The following BCAR3 variants were observed in gnomAD, a reference collection of about 807,000 sequenced individuals.
BCAR3 encodes breast cancer anti-estrogen resistance protein 3.
A neutral mutation model predicts 80.1 loss-of-function variants in BCAR3; 37 were observed. The observed-to-expected ratio is 0.46, with a 90% CI of 0.36 to 0.61. The LOEUF (loss-of-function observed/expected upper bound fraction) is 0.61. Ranked by LOEUF, BCAR3 falls within the 20% of genes least tolerant of loss-of-function variation. BCAR3 has a pLI of 0.00. For missense variants in BCAR3, 978 were observed against 1,068.2 expected (o/e 0.92, Z 1.18); for synonymous variants, 389 against 418.9 (o/e 0.93, Z 0.87).
intron 2 of BCAR3, among the ~76,000 whole-genome samples, chr1:93,647,105 T>C (rs569158646): frequency 1.1e-4 from 16 of 152,276 alleles, no homozygotes; most frequent in African/African-American, 2.9e-4. Flanking sequence ...TCAAACCTCA[T>C]AGAGTTATGT....
chr1:93,712,780 T>A (rs1376880750), intron 2 of BCAR3, among the ~76,000 whole-genome samples: 1 of 152,210 alleles, frequency 6.6e-6, no homozygotes, highest in Non-Finnish European at 1.5e-5. Context: ...AGAGTTCACA[T>A]AACCTCTTCA....
At chr1:93,706,903 G>A (rs1031114821) in intron 2 of BCAR3, among the ~76,000 whole-genome samples, 3 of 152,206 alleles carry the variant, frequency 2.0e-5, no homozygotes, top group African/African-American at 4.8e-5. Flanking sequence ...TAGGCCGGGC[G>A]CAGGGGCTTA....
At position 93,589,368 on chromosome 1, in the gene BCAR3, G is replaced by C. The variant is rs1674081122; in HGVS notation, c.538C>G (p.Leu180Val). ...AGGACAAAGTTCCCAGGGCTGGACA[G>C]AGAGTCACGAACTAGGAAGTCACCA... is the stretch of plus-strand genomic sequence containing the variant. Reference protein sequence around the residue: ...RDGDFLVRDSLSSPGNFVLTC... With the variant: ...RDGDFLVRDSVSSPGNFVLTC... Residue 180 changes from leucine (L) to valine (V), a missense_variant, in exon 5 of 12, where the codon CTG (leucine) becomes GTG (valine). By Grantham distance (32) the Leu-to-Val change is conservative. Coordinates refer to ENST00000260502, the MANE Select transcript of BCAR3 (RefSeq NM_003567.4). 1 of 1,613,980 alleles carries C rather than the reference G, an allele frequency of 6.2e-7. No homozygotes were observed.
intron 1 of BCAR3, among the ~76,000 whole-genome samples, chr1:93,677,197 G>A (rs1648526971): frequency 6.6e-6 from 1 of 152,222 alleles, no homozygotes; most frequent in Admixed American, 6.5e-5. Context: ...ACTTGAGAAG[G>A]CTCAGAGAGG....
At position 93,603,474 on chromosome 1, in the gene BCAR3, T is replaced by A. The variant is rs146217516; in HGVS notation, c.358-11081A>T. Among the ~76,000 whole-genome samples the A allele has an allele frequency of 2.6e-5, 4 of 152,382 alleles. No individual in the cohort carries two copies. In the East Asian group the frequency reaches 7.7e-4, roughly 29 times the overall value. On this transcript the variant is annotated intron_variant, in intron 3 of 11. Coordinates refer to ENST00000260502, the MANE Select transcript of BCAR3 (RefSeq NM_003567.4). ...TCCCTGAGTGTGTCCCTGAGACTTC[T>A]CTGCCTTTTAGGTGTTGGACCCTTG... is the stretch of plus-strand genomic sequence containing the variant.
upstream of BCAR3, among the ~76,000 whole-genome samples, chr1:93,685,124 A>G (rs1348391426): frequency 3.9e-5 from 6 of 152,236 alleles, no homozygotes; most frequent in Non-Finnish European, 8.8e-5. Flanking sequence ...TAGATGCTCA[A>G]TATATGTTAA....
Position 93,589,397 on chromosome 1 carries a change from C to G in BCAR3, c.509G>C (p.Arg170Pro). ...PRQVSENLVQ[R>P]DGDFLVRDSL... ...GTCACGAACTAGGAAGTCACCATCT[C>G]GCTGCACAAGGTTTTCAGACACCTT... The change falls in exon 5 of 12, where the codon CGA (arginine) becomes CCA (proline). Residue 170 changes from arginine to proline, a missense_variant. Transcript: ENST00000260502. 2 of 1,612,228 alleles carry G rather than the reference C, an allele frequency of 1.2e-6. No individual in the cohort carries two copies. Among genetic ancestry groups the G allele is most frequent in the Non-Finnish European group, 1.7e-6 (2 of 1,179,874 alleles).
At chr1:93,622,032 TGGCTAATTTTTGTATTTTTAGTAGAGATG>T (rs1675331631) in intron 3 of BCAR3, among the ~76,000 whole-genome samples, 1 of 152,064 alleles carries the variant, frequency 6.6e-6, no homozygotes, top group South Asian at 2.1e-4. Context: ...CCACCATGCC[TGGCTAATTTTTGTATTTTTAGTAGAGATG>T]GGCTAATTTT....
At chr1:93,789,482 C>CA (rs1188638305) in intron 2 of BCAR3, among the ~76,000 whole-genome samples, 1 of 152,140 alleles carries the variant, frequency 6.6e-6, no homozygotes, top group South Asian at 2.1e-4. Context: ...TCCACATCCA[C>CA]AAAAATTGTA....
At chr1:93,597,769 C>A (rs965487616) in intron 3 of BCAR3, among the ~76,000 whole-genome samples, 3 of 152,168 alleles carry the variant, frequency 2.0e-5, no homozygotes, top group African/African-American at 7.2e-5. Context: ...GTTTGGGAGG[C>A]AAGCAGTTAA....
intron 6 of BCAR3, among the ~76,000 whole-genome samples, 163 bp from the exon 7 acceptor site, chr1:93,583,116 C>A (rs1396417799): frequency 6.6e-6 from 1 of 152,202 alleles, no homozygotes; most frequent in Non-Finnish European, 1.5e-5. Context: ...CACGCCCAAT[C>A]TCAGGGAGTC....
At chr1:93,678,794 G>A (rs763064289) in intron 1 of BCAR3, among the ~76,000 whole-genome samples, 3 of 152,122 alleles carry the variant, frequency 2.0e-5, no homozygotes, top group Admixed American at 6.5e-5. Context: ...GCAAGGGAAG[G>A]AGCCAGTCAA....
At chr1:93,821,157 CTTGAAGGTCG>C (rs1654204503) in intron 2 of BCAR3, among the ~76,000 whole-genome samples, 2 of 152,196 alleles carry the variant, frequency 1.3e-5, no homozygotes, top group African/African-American at 4.8e-5. Flanking sequence ...TCATTTGCCT[CTTGAAGGTCG>C]TTCTTCAACA....
At chr1:93,781,526 T>C (rs1327162608) in intron 2 of BCAR3, among the ~76,000 whole-genome samples, 2 of 152,244 alleles carry the variant, frequency 1.3e-5, no homozygotes, top group African/African-American at 2.4e-5. Flanking sequence ...TACATACTTA[T>C]CATTTAATCT....
chr1:93,693,743 A>C (rs1484138802), intron 3 of BCAR3, among the ~76,000 whole-genome samples: 2 of 152,208 alleles, frequency 1.3e-5, no homozygotes, highest in East Asian at 3.9e-4. Context: ...ATGCCTCTGT[A>C]AACACGGACT....
chr1:93,682,119 A>G (rs945960877), upstream of BCAR3, among the ~76,000 whole-genome samples: 9 of 152,298 alleles, frequency 5.9e-5, no homozygotes, highest in African/African-American at 2.2e-4. Context: ...TAATTACCCA[A>G]CAGATCTGCT....
chr1:93,801,086 C>T (rs957592267), intron 2 of BCAR3, among the ~76,000 whole-genome samples: 4 of 152,152 alleles, frequency 2.6e-5, no homozygotes, highest in Non-Finnish European at 5.9e-5. Flanking sequence ...CCTCGGAGCC[C>T]GTATTCCTCT....
intron 3 of BCAR3, among the ~76,000 whole-genome samples, chr1:93,627,259 C>T (rs55943015): frequency 0.44 from 67,271 of 152,048 alleles, 17,961 homozygotes; most frequent in Non-Finnish European, 0.6. Context: ...ATGATATAAA[C>T]TCATGCATGG....
intron 2 of BCAR3, among the ~76,000 whole-genome samples, chr1:93,720,799 G>A (rs1650367177): frequency 6.6e-6 from 1 of 152,362 alleles, no homozygotes; most frequent in East Asian, 1.9e-4. Flanking sequence ...TGGGCCTGAG[G>A]GCCTGGCCCT....
Sources: gnomAD v4.1 joint callset for allele counts (sites outside exome capture counted in the v4.1 genomes callset) on GRCh38, gnomAD v4.1.1 for gene constraint, MANE v1.5 for transcripts, NCBI Gene and HGNC (gene_info 2026-07-23, HGNC 2026-07-21) for gene names.